The following EYS variants were observed in gnomAD, a reference collection of about 807,000 sequenced individuals.
The protein encoded by EYS is protein eyes shut homolog.
A neutral mutation model predicts 282.1 loss-of-function variants in EYS; 250 were observed. The ratio of observed to expected loss-of-function variants is 0.89; its 90% CI spans 0.80 to 0.98. EYS has a LOEUF of 0.98. EYS is among the 50% of genes least tolerant of loss of function. EYS has a pLI of 0.00. For synonymous variants in EYS, 1,355 were observed against 1,282.9 expected (o/e 1.06, Z -1.20); for missense variants, 4,016 against 3,709.0 (o/e 1.08, Z -2.15).
chr6:63,996,295 T>C (rs960376477), intron 34 of EYS, among the ~76,000 whole-genome samples: 2 of 152,036 alleles, frequency 1.3e-5, no homozygotes, highest in African/African-American at 4.8e-5. Flanking sequence ...CAGAAAGTAG[T>C]CAGAGGTTGC....
chr6:65,299,499 T>A (rs1336663693), intron 11 of EYS, among the ~76,000 whole-genome samples: 3 of 152,152 alleles, frequency 2.0e-5, no homozygotes, highest in African/African-American at 7.2e-5. Context: ...TCGCTTCTGA[T>A]GCATTGGAAG....
intron 30 of EYS, among the ~76,000 whole-genome samples, chr6:64,252,927 G>T (rs959082038): frequency 2.6e-5 from 4 of 152,072 alleles, no homozygotes; most frequent in Non-Finnish European, 4.4e-5. Context: ...TATTCTGTGT[G>T]CCCAATATAT....
chr6:65,471,125 C>T (rs780201546), intron 5 of EYS, among the ~76,000 whole-genome samples: 4 of 150,222 alleles, frequency 2.7e-5, no homozygotes, highest in Non-Finnish European at 4.4e-5. Context: ...TGACAGAGCA[C>T]GACGCCGTCT....
At chr6:63,898,726 A>G (rs1773594261) in intron 35 of EYS, among the ~76,000 whole-genome samples, 1 of 152,150 alleles carries the variant, frequency 6.6e-6, no homozygotes, top group African/African-American at 2.4e-5. Context: ...GCTGAACTCA[A>G]ATATCACTCG....
At chr6:64,450,078 C>T (rs1027888632) in intron 26 of EYS, among the ~76,000 whole-genome samples, 16 of 151,860 alleles carry the variant, frequency 1.1e-4, no homozygotes, top group African/African-American at 3.6e-4. Flanking sequence ...GATAAAGAGT[C>T]AAGACCCATC....
chr6:64,575,971 A>T (rs541539945), intron 26 of EYS, among the ~76,000 whole-genome samples: 1 of 152,274 alleles, frequency 6.6e-6, no homozygotes, highest in Non-Finnish European at 1.5e-5. Context: ...ATAGATGAGC[A>T]AACTGAGGCT....
intron 33 of EYS, among the ~76,000 whole-genome samples, chr6:64,052,526 T>C (rs892249610): frequency 1.3e-5 from 2 of 152,206 alleles, no homozygotes; most frequent in African/African-American, 4.8e-5. Context: ...AATTGATCCA[T>C]GTAATTTTCT....
At chr6:64,733,379 G>A (rs147498450) in intron 22 of EYS, 310 of 174,686 alleles carry the variant, frequency 1.8e-3, no homozygotes, top group Non-Finnish European at 3.2e-3. Context: ...TCACATCCAG[G>A]AGCTTGGTGC....
At chr6:64,155,200 T>C (rs2150297209) in intron 31 of EYS, among the ~76,000 whole-genome samples, 1 of 152,270 alleles carries the variant, frequency 6.6e-6, no homozygotes, top group East Asian at 1.9e-4. Context: ...TCACACAGGA[T>C]TTAATGTTGT....
chr6:64,431,910 G>A (rs1000126108), intron 28 of EYS, among the ~76,000 whole-genome samples: 3 of 152,090 alleles, frequency 2.0e-5, no homozygotes, highest in Non-Finnish European at 4.4e-5. Context: ...ATATCTGCCA[G>A]TGTGTGGATT....
chr6:64,535,400 G>C (rs1764487211), intron 26 of EYS, among the ~76,000 whole-genome samples: 1 of 152,000 alleles, frequency 6.6e-6, no homozygotes, highest in African/African-American at 2.4e-5. Flanking sequence ...ATGTATTTAG[G>C]ATACTAAGTT....
intron 22 of EYS, among the ~76,000 whole-genome samples, chr6:64,783,382 T>C (rs1386257051): frequency 6.6e-6 from 1 of 151,426 alleles, no homozygotes; most frequent in East Asian, 1.9e-4. Flanking sequence ...CATAATATAA[T>C]TAGGTTTCAG....
intron 12 of EYS, among the ~76,000 whole-genome samples, chr6:65,134,002 TA>T (rs1018624582): frequency 1.4e-4 from 22 of 152,054 alleles, no homozygotes; most frequent in Admixed American, 4.6e-4. Flanking sequence ...AACAGGCATA[TA>T]AAAAAATCTT....
At chr6:65,408,040 A>G (rs540326490) in intron 5 of EYS, among the ~76,000 whole-genome samples, 8 of 152,190 alleles carry the variant, frequency 5.3e-5, no homozygotes, top group Non-Finnish European at 7.4e-5. Context: ...GCAACTATTG[A>G]GATGATTATG....
intron 26 of EYS, among the ~76,000 whole-genome samples, chr6:64,541,993 C>T (rs1478764851): frequency 1.3e-5 from 2 of 152,102 alleles, no homozygotes; most frequent in Admixed American, 6.5e-5. Flanking sequence ...TTTAGTCACA[C>T]ACCATTTTAA....
chr6:64,820,178 T>A (rs1764859023), intron 21 of EYS, among the ~76,000 whole-genome samples: 1 of 152,012 alleles, frequency 6.6e-6, no homozygotes. Context: ...AATGGAATGA[T>A]TCCTAAGATA....
chr6:64,442,795 T>G (rs1774994003), intron 26 of EYS, among the ~76,000 whole-genome samples: 1 of 142,930 alleles, frequency 7.0e-6, no homozygotes, highest in African/African-American at 2.5e-5. Flanking sequence ...TTTGGGAACC[T>G]CTGCCTAGAT....
intron 5 of EYS, among the ~76,000 whole-genome samples, chr6:65,459,422 A>G (rs1764738314): frequency 6.6e-6 from 1 of 152,094 alleles, no homozygotes; most frequent in African/African-American, 2.4e-5. Context: ...AGAACATTAT[A>G]GTTTAAGTGT....
intron 12 of EYS, among the ~76,000 whole-genome samples, chr6:65,240,131 G>A (rs1487865898): frequency 1.3e-5 from 2 of 151,850 alleles, no homozygotes; most frequent in East Asian, 3.9e-4. Context: ...ACCACACCCA[G>A]CTAATTTTTT....
Sources: allele counts gnomAD v4.1 joint callset (sites outside exome capture counted in the v4.1 genomes callset), GRCh38; gene constraint gnomAD v4.1.1; transcripts MANE v1.5; gene names NCBI Gene and HGNC (gene_info 2026-07-23, HGNC 2026-07-21).